Variants in RCOR1 observed in about 807,000 individuals in gnomAD.
RCOR1 encodes the protein REST corepressor 1, also known as REST corepressor.
In RCOR1, 12 loss-of-function variants were observed where a neutral mutation model predicts 64.0. The ratio of observed to expected loss-of-function variants is 0.19; its 90% CI spans 0.12 to 0.30. The LOEUF is 0.30. RCOR1 is among the 10% of genes least tolerant of loss of function. RCOR1 has a pLI of 1.00. For missense variants in RCOR1, 502 were observed against 621.2 expected (o/e 0.81, Z 2.04); for synonymous variants, 279 against 227.2 (o/e 1.23, Z -2.05).
chr14:102,685,169 A>G (rs1895391684), intron 3 of RCOR1, among the ~76,000 whole-genome samples: 1 of 152,124 alleles, frequency 6.6e-6, no homozygotes, highest in Admixed American at 6.5e-5. Context: ...GTAATTATAA[A>G]AATAAATGCT....
intron 8 of RCOR1, among the ~76,000 whole-genome samples, chr14:102,717,858 C>A (rs1292064611): frequency 6.6e-6 from 1 of 152,034 alleles, no homozygotes; most frequent in African/African-American, 2.4e-5. Context: ...AGGACTCAGC[C>A]TCACTCAGAG....
intron 3 of RCOR1, among the ~76,000 whole-genome samples, chr14:102,687,347 CTT>C (rs1410668396): frequency 6.6e-6 from 1 of 152,232 alleles, no homozygotes; most frequent in Non-Finnish European, 1.5e-5. Flanking sequence ...AGCTAGATCT[CTT>C]GTCTCCAGAC....
intron 2 of RCOR1, among the ~76,000 whole-genome samples, chr14:102,620,551 C>T (rs1020950869): frequency 7.9e-5 from 12 of 152,006 alleles, no homozygotes; most frequent in Non-Finnish European, 1.5e-4. Context: ...TCAACAAGAG[C>T]GAAACCGTCT....
rs530580880 is a variant in RCOR1, at chr14:102,636,184, C to T, written c.361+42859C>T. 5.3e-5 allele frequency among the ~76,000 whole-genome samples: 8 copies of T among 152,180 alleles called. No homozygotes were observed. The East Asian group carries it at 7.7e-4, about 15-fold the overall frequency. On this transcript the variant is annotated intron_variant, in intron 2 of 11. Transcript: ENST00000262241. ...TGATCTCCTGACCTCGTGATCTGCC[C>T]GCCTTGGCCTCCCAAAGTGCTGTGA...
intron 2 of RCOR1, among the ~76,000 whole-genome samples, chr14:102,672,355 G>A (rs978348345): frequency 9.2e-5 from 14 of 151,886 alleles, no homozygotes; most frequent in African/African-American, 3.1e-4. Flanking sequence ...GACTACAGGC[G>A]CCCGCCACCA....
In RCOR1 at chr14:102,652,443, C is replaced by T. The variant is rs1894612412; in HGVS notation, c.362-29452C>T. The stretch of plus-strand genomic sequence containing the variant: ...TACAAACACTCTCTCCTCTAGTCTT[C>T]TGGCAGTGTTCCTTTACCTAATTCT... On this transcript the variant is annotated intron_variant, in intron 2 of 11. Transcript: ENST00000262241. 3.9e-5 allele frequency among the ~76,000 whole-genome samples: 6 copies of T among 152,182 alleles called. No individual in the cohort carries two copies. In the South Asian group the frequency reaches 1.2e-3, roughly 31 times the overall value.
chr14:102,676,852 A>T (rs796535651), intron 2 of RCOR1, among the ~76,000 whole-genome samples: 4 of 59,510 alleles, frequency 6.7e-5, no homozygotes, highest in Admixed American at 2.7e-4. Flanking sequence ...TGGCCGGGCG[A>T]GGGGCTGACC....
chr14:102,671,623 G>T (rs1024465424), intron 2 of RCOR1, among the ~76,000 whole-genome samples: 5 of 152,082 alleles, frequency 3.3e-5, no homozygotes, highest in Non-Finnish European at 7.4e-5. Context: ...TTGAACTTCT[G>T]GCCTCAGCTG....
At chr14:102,694,406 G>A (rs992946094) in intron 3 of RCOR1, among the ~76,000 whole-genome samples, 6 of 152,062 alleles carry the variant, frequency 3.9e-5, no homozygotes, top group Non-Finnish European at 8.8e-5. Context: ...ATAGGCACCC[G>A]CCACCATGCC....
chr14:102,599,657 T>C (rs1893343731), intron 2 of RCOR1, among the ~76,000 whole-genome samples: 2 of 152,222 alleles, frequency 1.3e-5, no homozygotes, highest in African/African-American at 4.8e-5. Flanking sequence ...AACTGTGTTA[T>C]GTTTTCATGT....
chr14:102,663,937 A>AG (rs1255585728), intron 2 of RCOR1, among the ~76,000 whole-genome samples: 2 of 152,146 alleles, frequency 1.3e-5, no homozygotes, highest in South Asian at 2.1e-4. Flanking sequence ...GAATGAGAGA[A>AG]GGTAAGATGT....
At chr14:102,660,546 G>T (rs1201597227) in intron 2 of RCOR1, among the ~76,000 whole-genome samples, 2 of 152,020 alleles carry the variant, frequency 1.3e-5, no homozygotes, top group African/African-American at 4.8e-5. Flanking sequence ...GCAACACCAT[G>T]CCCTGTAGAG....
In RCOR1 at chr14:102,592,957, C is replaced by T. The variant is rs1595184307; in HGVS notation, c.71C>T (p.Ser24Phe). Residue 24 changes from serine to phenylalanine, a missense_variant, in exon 1 of 12, where the codon TCC becomes TTC. Coordinates refer to ENST00000262241, the MANE Select transcript of RCOR1 (RefSeq NM_015156.4). ...AGAGGGAGGAACAACGCGGCCGCCTCCGCCTCCGCCGCCGCCGCCTCCGCC... is the reference window on the plus strand; with the variant it reads ...AGAGGGAGGAACAACGCGGCCGCCTTCGCCTCCGCCGCCGCCGCCTCCGCC... ...KRRGRNNAAA[S>F]ASAAAASAAA... The T allele has an allele frequency of 8.5e-7, 1 of 1,173,152 alleles. No homozygotes were observed. The highest frequency in any genetic ancestry group is 1.6e-5 in the African/African-American group (1 of 60,996). 72.7% of individuals were successfully genotyped at this position (1,173,152 alleles called of 1,614,324 possible). A position where few individuals can be genotyped will look rare whatever the true frequency, so the allele number is the denominator to read the frequency against.
chr14:102,711,534 A>T (rs1211607374), intron 7 of RCOR1, among the ~76,000 whole-genome samples: 4 of 152,214 alleles, frequency 2.6e-5, no homozygotes, highest in Non-Finnish European at 4.4e-5. Flanking sequence ...TCATTTTAAA[A>T]AATCATTATA....
intron 7 of RCOR1, among the ~76,000 whole-genome samples, chr14:102,711,719 C>G (rs1328801521): frequency 2.0e-5 from 3 of 151,998 alleles, no homozygotes; most frequent in Non-Finnish European, 4.4e-5. Context: ...TATTTTAAGC[C>G]TATAAAAACA....
chr14:102,720,850 G>T (rs969734266), intron 8 of RCOR1, 157 bp from the exon 9 acceptor site: 1 of 514,380 alleles, frequency 1.9e-6, no homozygotes, highest in East Asian at 3.3e-5. Context: ...CTAGTTAGAT[G>T]CTTCAAAGGA....
At chr14:102,607,036 TG>T (rs1893525969) in intron 2 of RCOR1, among the ~76,000 whole-genome samples, 1 of 150,610 alleles carries the variant, frequency 6.6e-6, no homozygotes, top group African/African-American at 2.4e-5. Context: ...CGGATTCAAG[TG>T]GTTCTCCTGC....
intron 2 of RCOR1, among the ~76,000 whole-genome samples, chr14:102,614,721 G>A (rs932723793): frequency 3.9e-5 from 6 of 152,054 alleles, no homozygotes; most frequent in East Asian, 3.9e-4. Context: ...CTACAGGGCC[G>A]AACTCTATAA....
At chr14:102,675,092 C>CT (rs1211493232) in intron 2 of RCOR1, among the ~76,000 whole-genome samples, 3 of 149,158 alleles carry the variant, frequency 2.0e-5, no homozygotes, top group African/African-American at 7.4e-5. Context: ...AACAAAGAGA[C>CT]CTGCCTGTGT....
Sources: allele counts gnomAD v4.1 joint callset (sites outside exome capture counted in the v4.1 genomes callset), GRCh38; gene constraint gnomAD v4.1.1; transcripts MANE v1.5; gene names NCBI Gene and HGNC (gene_info 2026-07-23, HGNC 2026-07-21).